CFAP20DC: variants seen among roughly 807,000 people sequenced by gnomAD.
CFAP20DC encodes the protein protein CFAP20DC.
In CFAP20DC, 84 loss-of-function variants were observed where a neutral mutation model predicts 101.7. The ratio of observed to expected loss-of-function variants is 0.83; its 90% CI spans 0.69 to 0.99. The LOEUF is 0.99. Ranked by LOEUF, CFAP20DC falls within the 50% of genes least tolerant of loss-of-function variation. The pLI is 0.00. For synonymous variants in CFAP20DC, 359 were observed against 351.2 expected (o/e 1.02, Z -0.25); for missense variants, 1,007 against 970.3 (o/e 1.04, Z -0.50).
intron 12 of CFAP20DC, chr3:58,862,134 T>C (rs2079301091): frequency 1.1e-6 from 1 of 949,638 alleles, no homozygotes; most frequent in Middle Eastern, 5.4e-4. Context: ...TCTCTCATAG[T>C]TTTCCAGAGA....
At chr3:59,017,614 T>A (rs531760258) in intron 4 of CFAP20DC, 2 of 152,146 alleles carry the variant, frequency 1.3e-5, no homozygotes, top group Admixed American at 6.6e-5. Flanking sequence ...TTGGTTGTTG[T>A]TGGATACCAG....
chr3:58,895,903 A>G (rs961336188), intron 6 of CFAP20DC, among the ~76,000 whole-genome samples: 26 of 152,296 alleles, frequency 1.7e-4, no homozygotes, highest in African/African-American at 5.5e-4. Flanking sequence ...CCCCTTTTTA[A>G]AACCATCAGA....
Position 58,831,783 on chromosome 3 carries a change from G to A in CFAP20DC, c.2078C>T (p.Thr693Ile). 3 of 1,614,042 alleles carry A rather than the reference G, an allele frequency of 1.9e-6. No individual in the cohort carries two copies. Among genetic ancestry groups the A allele is most frequent in the South Asian group, 1.1e-5 (1 of 91,078 alleles). Residue 693 changes from threonine to isoleucine, a missense_variant, in exon 14 of 17, where the codon ACC (threonine) becomes ATC (isoleucine). By Grantham distance (89) the Thr-to-Ile change is moderately conservative. Coordinates refer to ENST00000482387, the MANE Select transcript of CFAP20DC (RefSeq NM_001394063.1). ...CTGGGAGGCACTCAGGCCATGGGAG[G>A]TCCCAGCATCCTCCAGTTCTTCATT... ...QQNEELEDAG[T>I]SHGLSASQVD...
chr3:58,816,434 G>A (rs2075147636), intron 14 of CFAP20DC, among the ~76,000 whole-genome samples: 1 of 152,152 alleles, frequency 6.6e-6, no homozygotes, highest in Non-Finnish European at 1.5e-5. Flanking sequence ...GTGGGTGCGT[G>A]CACCGTGCGC....
At chr3:58,791,284 C>G (rs2072829263) in intron 15 of CFAP20DC, among the ~76,000 whole-genome samples, 1 of 151,976 alleles carries the variant, frequency 6.6e-6, no homozygotes, top group South Asian at 2.1e-4. Flanking sequence ...ATATATATGC[C>G]AGGCCCTATG....
chr3:59,042,550 C>T (rs192055950), intron 3 of CFAP20DC, among the ~76,000 whole-genome samples: 2 of 151,382 alleles, frequency 1.3e-5, no homozygotes, highest in Admixed American at 6.6e-5. Flanking sequence ...AAAGCACGAA[C>T]GAGAAAAAGA....
rs954251521 is a variant in CFAP20DC, at chr3:58,999,711, G to A, written c.278+39846C>T. Among the ~76,000 whole-genome samples the A allele has an allele frequency of 1.3e-5, 2 of 152,202 alleles. 1 individual carries two copies. The highest frequency in any genetic ancestry group is 4.2e-4 in the South Asian group (2 of 4,814). On this transcript the variant is annotated intron_variant, in intron 4 of 16. Coordinates refer to ENST00000482387, the MANE Select transcript of CFAP20DC (RefSeq NM_001394063.1). Reference sequence around the variant, plus strand: ...GTGGTAGTTGGCAATTGACACACTAGAAAATACAGTTTCAACTCTGAAAAT... The same window carrying A: ...GTGGTAGTTGGCAATTGACACACTAAAAAATACAGTTTCAACTCTGAAAAT...
At chr3:58,823,888 T>A (rs9822130) in intron 14 of CFAP20DC, among the ~76,000 whole-genome samples, 37,912 of 152,104 alleles carry the variant, frequency 0.25, 5,021 homozygotes, top group Non-Finnish European at 0.31. Flanking sequence ...ATTTACAATT[T>A]AAAAAATCAG....
At chr3:58,917,933 A>C (rs995256727) in intron 5 of CFAP20DC, among the ~76,000 whole-genome samples, 1 of 152,176 alleles carries the variant, frequency 6.6e-6, no homozygotes, top group Non-Finnish European at 1.5e-5. Context: ...AGTTTCTTGC[A>C]GAAGTATTGT....
chr3:58,747,766 A>G (rs1377854658), intron 16 of CFAP20DC, among the ~76,000 whole-genome samples: 1 of 152,182 alleles, frequency 6.6e-6, no homozygotes, highest in African/African-American at 2.4e-5. Flanking sequence ...TCTACCACCA[A>G]CATATCTCAC....
intron 12 of CFAP20DC, among the ~76,000 whole-genome samples, chr3:58,855,799 C>A (rs2078735533): frequency 7.7e-6 from 1 of 129,746 alleles, no homozygotes; most frequent in Non-Finnish European, 1.5e-5. Context: ...AACACATGGA[C>A]ACAGAAAGGG....
chr3:59,036,711 C>A (rs1360389195), intron 4 of CFAP20DC, among the ~76,000 whole-genome samples: 1 of 152,134 alleles, frequency 6.6e-6, no homozygotes, highest in Admixed American at 6.5e-5. Context: ...TGAAAATGGC[C>A]TTACTGCCCA....
intron 5 of CFAP20DC, among the ~76,000 whole-genome samples, chr3:58,924,603 T>C (rs574437703): frequency 6.6e-6 from 1 of 152,310 alleles, no homozygotes; most frequent in African/African-American, 2.4e-5. Flanking sequence ...GTAGTGGGAT[T>C]ACTGGGCCAA....
chr3:59,036,976 T>C (rs2094115493), intron 4 of CFAP20DC, among the ~76,000 whole-genome samples: 1 of 151,968 alleles, frequency 6.6e-6, no homozygotes, highest in South Asian at 2.1e-4. Context: ...GAAATGATGC[T>C]ACACATCCAC....
chr3:58,753,940 C>T, intron 15 of CFAP20DC, 77 bp from the exon 16 acceptor site: 1 of 939,868 alleles, frequency 1.1e-6, no homozygotes, highest in Non-Finnish European at 1.6e-6. Context: ...ATTTTCAGTT[C>T]CTTGGGGCTT....
At position 58,831,821 on chromosome 3, in the gene CFAP20DC, T is replaced by C. The variant is rs542922075; in HGVS notation, c.2040A>G (p.Leu680=). 7.7e-5 allele frequency: 125 copies of C among 1,614,140 alleles called. 2 individuals are homozygous for C. In the South Asian group the frequency reaches 1.3e-3, roughly 17 times the overall value. ...SESELQMLAS[L]RWQQNEELED... ...CCAGTTCTTCATTTTGTTGCCACCG[T>C]AGGCTTGCTAGCATCTGTAACTCGG... The change falls in exon 14 of 17, where the codon CTA becomes CTG. Residue 680 remains leucine (L), a synonymous_variant. Transcript: ENST00000482387.
chr3:58,887,080 A>G (rs2081704552), intron 6 of CFAP20DC, among the ~76,000 whole-genome samples: 1 of 152,238 alleles, frequency 6.6e-6, no homozygotes, highest in South Asian at 2.1e-4. Context: ...AAAATCAGTC[A>G]TCTAACTAAA....
At chr3:58,855,007 G>A (rs1235188034) in intron 12 of CFAP20DC, among the ~76,000 whole-genome samples, 1 of 145,866 alleles carries the variant, frequency 6.9e-6, no homozygotes, top group African/African-American at 2.6e-5. Context: ...AAACTAAAGA[G>A]CTTCTGCACA....
chr3:58,987,742 C>T (rs2092799293), intron 4 of CFAP20DC, among the ~76,000 whole-genome samples: 2 of 151,706 alleles, frequency 1.3e-5, no homozygotes, highest in South Asian at 4.2e-4. Context: ...CAAAATGACA[C>T]TTCTAGAATA....
Sources: gnomAD v4.1 joint callset for allele counts (sites outside exome capture counted in the v4.1 genomes callset) on GRCh38, gnomAD v4.1.1 for gene constraint, MANE v1.5 for transcripts, NCBI Gene and HGNC (gene_info 2026-07-23, HGNC 2026-07-21) for gene names.